The following SLC44A1 variants were observed in gnomAD, a reference collection of about 807,000 sequenced individuals.
The protein encoded by SLC44A1 is choline transporter-like protein 1.
SLC44A1 carries 26 observed loss-of-function variants against 79.3 expected under a neutral mutation model. The observed-to-expected ratio is 0.33, with a 90% CI of 0.24 to 0.46. The LOEUF (loss-of-function observed/expected upper bound fraction) is 0.46, where lower values mean the gene tolerates loss of function less well. SLC44A1 is among the 20% of genes least tolerant of loss of function. The pLI, the probability that SLC44A1 is intolerant of heterozygous loss-of-function variation, is 1.00. For synonymous variants in SLC44A1, 263 were observed against 286.2 expected, an observed-to-expected ratio of 0.92 and a Z score of 0.82; for missense variants, 688 against 798.1, an observed-to-expected ratio of 0.86 and a Z score of 1.66.
At chr9:105,244,975 G>T in intron 1 of SLC44A1, 71 bp downstream of exon 1, 2 of 571,270 alleles carry the variant, frequency 3.5e-6, no homozygotes. Context: ...GCGGGCGCCC[G>T]CCGCCCGATA....
intron 1 of SLC44A1, among the ~76,000 whole-genome samples, chr9:105,286,919 C>T (rs1176092916): frequency 1.3e-5 from 2 of 152,152 alleles, no homozygotes; most frequent in Non-Finnish European, 2.9e-5. Flanking sequence ...AGCTATGATC[C>T]TGTCACTGCG....
chr9:105,377,248 T>C lies in SLC44A1; in HGVS notation c.1632+2513T>C, dbSNP rs532699572. On this transcript the variant is annotated intron_variant, in intron 13 of 15. Transcript: ENST00000374720. ...TTACAATATGAAGAAATGCATATAA[T>C]GTAATAAATGAAAAAGCTGAGTAAA... is the stretch of plus-strand genomic sequence containing the variant. Among the ~76,000 whole-genome samples the C allele has an allele frequency of 9.2e-5, 14 of 152,268 alleles. No individual in the cohort carries two copies. In the East Asian group the frequency reaches 2.7e-3, roughly 29 times the overall value.
At chr9:105,404,296 A>G (rs1294191316) in intron 15 of SLC44A1, among the ~76,000 whole-genome samples, 1 of 151,150 alleles carries the variant, frequency 6.6e-6, no homozygotes, top group African/African-American at 2.4e-5. Flanking sequence ...TAATGGAGGG[A>G]TAGAATCATC....
chr9:105,391,194 A>T lies in SLC44A1; in HGVS notation c.*2138A>T, dbSNP rs1405408735. The T allele has an allele frequency of 2.0e-6, 2 of 985,656 alleles. No individual in the cohort carries two copies. Among genetic ancestry groups the T allele is most frequent in the East Asian group, 2.3e-4 (2 of 8,830 alleles). 61.1% of individuals were successfully genotyped at this position (985,656 alleles called of 1,614,324 possible). ...TGAACTTGGAAATTAGGTTCTACTC[A>T]CTTGGACATCCCTGCATCATGGACT... On this transcript the variant is annotated 3_prime_UTR_variant, in exon 16 of 16. Transcript: ENST00000374720.
chr9:105,290,599 T>A (rs1214833338), intron 1 of SLC44A1, among the ~76,000 whole-genome samples: 1 of 152,220 alleles, frequency 6.6e-6, no homozygotes, highest in Non-Finnish European at 1.5e-5. Flanking sequence ...AATTATCACG[T>A]GTTCATATGC....
intron 15 of SLC44A1, among the ~76,000 whole-genome samples, chr9:105,417,274 A>G (rs756388499): frequency 2.0e-5 from 3 of 152,242 alleles, no homozygotes; most frequent in Non-Finnish European, 2.9e-5. Flanking sequence ...TTTTAAAATA[A>G]TAAGTGATAA....
intron 15 of SLC44A1, among the ~76,000 whole-genome samples, chr9:105,436,994 C>G (rs975727759): frequency 1.3e-5 from 2 of 152,146 alleles, no homozygotes; most frequent in Non-Finnish European, 2.9e-5. Context: ...AGTCCAAGCT[C>G]TCCTGGCATC....
intron 1 of SLC44A1, among the ~76,000 whole-genome samples, chr9:105,279,310 A>G (rs3123346): frequency 1 from 151,052 of 151,054 alleles, 75,525 homozygotes; most frequent in Non-Finnish European, 1. Context: ...AAACTAGGAA[A>G]AGAAAACTTT....
intron 1 of SLC44A1, among the ~76,000 whole-genome samples, chr9:105,289,630 T>C (rs992478860): frequency 1.3e-5 from 2 of 152,192 alleles, no homozygotes; most frequent in Admixed American, 1.3e-4. Context: ...TGAACACATA[T>C]TTGTTTCAGT....
chr9:105,415,213 A>T (rs1029061945), intron 15 of SLC44A1, among the ~76,000 whole-genome samples: 1 of 152,172 alleles, frequency 6.6e-6, no homozygotes, highest in Non-Finnish European at 1.5e-5. Context: ...AACAGCCCAC[A>T]GTTCAAAGAT....
chr9:105,250,255 C>G (rs1421392792), intron 1 of SLC44A1, among the ~76,000 whole-genome samples: 1 of 152,124 alleles, frequency 6.6e-6, no homozygotes, highest in Non-Finnish European at 1.5e-5. Context: ...AAATTTCACA[C>G]CACCATTTTG....
At chr9:105,420,371 G>C (rs1297985418) in intron 15 of SLC44A1, among the ~76,000 whole-genome samples, 1 of 151,992 alleles carries the variant, frequency 6.6e-6, no homozygotes, top group East Asian at 1.9e-4. Context: ...TCTTGGGCAT[G>C]GGAAATTAAA....
chr9:105,421,999 A>G (rs1829257780), intron 15 of SLC44A1, among the ~76,000 whole-genome samples: 1 of 152,190 alleles, frequency 6.6e-6, no homozygotes, highest in African/African-American at 2.4e-5. Flanking sequence ...TGACTACAGT[A>G]CTGAGCATAC....
chr9:105,259,584 T>A (rs1829794654), intron 1 of SLC44A1, among the ~76,000 whole-genome samples: 1 of 152,248 alleles, frequency 6.6e-6, no homozygotes, highest in Admixed American at 6.5e-5. Context: ...GAGAGTTTTA[T>A]TCCTTGCTTG....
At chr9:105,351,678 C>CAGAAAGAAAGAAAGA (rs1588819410) in intron 5 of SLC44A1, among the ~76,000 whole-genome samples, 1 of 53,970 alleles carries the variant, frequency 1.9e-5, no homozygotes. Context: ...AAGAAAGAAC[C>CAGAAAGAAAGAAAGA]AAGAAAAAAA....
downstream of SLC44A1, among the ~76,000 whole-genome samples, chr9:105,401,367 G>C (rs777041545): frequency 4.6e-5 from 7 of 152,218 alleles, no homozygotes; most frequent in Admixed American, 3.9e-4. Context: ...TGGAATAGAA[G>C]AGAAAGTTTC....
intron 12 of SLC44A1, among the ~76,000 whole-genome samples, chr9:105,369,256 G>A (rs1828030142): frequency 6.6e-6 from 1 of 152,180 alleles, no homozygotes; most frequent in South Asian, 2.1e-4. Context: ...TTATGTAGTT[G>A]ATGAGAACTA....
At position 105,383,224 on chromosome 9, in the gene SLC44A1, T is replaced by C; in HGVS notation, c.1734T>C (p.Phe578=). Residue 578 remains phenylalanine (F), a synonymous_variant, in exon 14 of 16, where the codon TTT becomes TTC. Coordinates refer to ENST00000374720, the MANE Select transcript of SLC44A1 (RefSeq NM_080546.5). ...TGCCTCTGATCATCGTCTGCCTCTT[T>C]GCTTTCCTAGTCGCTCATTGCTTCC... ...WVLPLIIVCL[F]AFLVAHCFLS... is the part of the protein sequence containing the mutation. 4 of 1,614,152 alleles carry C rather than the reference T, an allele frequency of 2.5e-6. No individual in the cohort carries two copies. Among genetic ancestry groups the C allele is most frequent in the Non-Finnish European group, 3.4e-6 (4 of 1,179,984 alleles).
In SLC44A1 at chr9:105,392,094, T is replaced by C. The variant is rs1260575005; in HGVS notation, c.*3038T>C. 22 of 985,284 alleles carry C rather than the reference T, an allele frequency of 2.2e-5. No individual in the cohort carries two copies. The highest frequency in any genetic ancestry group is 2.7e-5 in the Non-Finnish European group (22 of 829,888). The allele number at this position is 985,284 out of a possible 1,614,324, so 61.0% of individuals were successfully genotyped here. On this transcript the variant is annotated 3_prime_UTR_variant, in exon 16 of 16. Transcript: ENST00000374720. ...CCATCTTCTATGAGAGGCTTACCAG[T>C]GCATTAGTAATAAAACATTAGCAAT...
Sources: gnomAD v4.1 joint callset for allele counts (sites outside exome capture counted in the v4.1 genomes callset) on GRCh38, gnomAD v4.1.1 for gene constraint, MANE v1.5 for transcripts, NCBI Gene and HGNC (gene_info 2026-07-23, HGNC 2026-07-21) for gene names.